PLXNA2: variants seen among roughly 807,000 people sequenced by gnomAD.
PLXNA2 encodes the protein plexin-A2.
A neutral mutation model predicts 193.5 loss-of-function variants in PLXNA2; 91 were observed. The observed-to-expected ratio is 0.47, with a 90% CI of 0.40 to 0.56. PLXNA2 has a LOEUF of 0.56. Ranked by LOEUF, PLXNA2 falls within the 20% of genes least tolerant of loss-of-function variation. The pLI is 0.00. For missense variants in PLXNA2, 1,995 were observed against 2,503.2 expected (o/e 0.80, Z 4.33); for synonymous variants, 997 against 1,027.3 (o/e 0.97, Z 0.56).
At chr1:208,137,072 C>T (rs566838796) in intron 4 of PLXNA2, among the ~76,000 whole-genome samples, 1 of 152,308 alleles carries the variant, frequency 6.6e-6, no homozygotes, top group East Asian at 1.9e-4. Context: ...CTGACTCCCA[C>T]GGGCCAGCTC....
chr1:208,136,382 T>C (rs1248523755), intron 4 of PLXNA2, among the ~76,000 whole-genome samples: 1 of 152,252 alleles, frequency 6.6e-6, no homozygotes, highest in Non-Finnish European at 1.5e-5. Flanking sequence ...AACTGGGGTC[T>C]GAATGTTCAC....
chr1:208,051,922 T>C (rs1041671067), intron 15 of PLXNA2, among the ~76,000 whole-genome samples: 2 of 152,110 alleles, frequency 1.3e-5, no homozygotes, highest in African/African-American at 4.8e-5. Context: ...TGGCAAATGG[T>C]AGGTGTTCAA....
In PLXNA2 at chr1:208,180,426, C is replaced by T. The variant is rs926457784; in HGVS notation, c.1371+29854G>A. On this transcript the variant is annotated intron_variant, in intron 3 of 31. Coordinates refer to ENST00000367033, the MANE Select transcript of PLXNA2 (RefSeq NM_025179.4). ...AAACAGGTTCATCACATAGCCTGAG[C>T]TTTGGCTGTGGCAGTGGCAGTGGCT... is the stretch of plus-strand genomic sequence containing the variant. Among the ~76,000 whole-genome samples, 5 of 152,248 alleles carry T rather than the reference C, an allele frequency of 3.3e-5. No individual in the cohort carries two copies. The South Asian group carries it at 6.2e-4, about 19-fold the overall frequency.
At chr1:208,134,318 G>A (rs1668241801) in intron 4 of PLXNA2, among the ~76,000 whole-genome samples, 1 of 152,124 alleles carries the variant, frequency 6.6e-6, no homozygotes, top group Non-Finnish European at 1.5e-5. Context: ...TGAAATGGGG[G>A]AAAGAAAGAG....
At chr1:208,221,120 T>C (rs1553299933) in intron 1 of PLXNA2, among the ~76,000 whole-genome samples, 1 of 152,212 alleles carries the variant, frequency 6.6e-6, no homozygotes, top group Non-Finnish European at 1.5e-5. Flanking sequence ...TCAGGAACCC[T>C]GGGTTCACAT....
intron 10 of PLXNA2, 149 bp downstream of exon 10, chr1:208,084,231 G>T: frequency 1.3e-6 from 1 of 758,102 alleles, no homozygotes; most frequent in Non-Finnish European, 2.1e-6. Context: ...GAGCGGCTGG[G>T]GTGCTGGCTG....
At chr1:208,216,701 G>C in intron 2 of PLXNA2, 34 bp downstream of exon 2, 1 of 1,584,500 alleles carries the variant, frequency 6.3e-7, no homozygotes, top group Non-Finnish European at 8.6e-7. Context: ...CTGTGTCATG[G>C]AGCAGGAGCA....
intron 3 of PLXNA2, among the ~76,000 whole-genome samples, chr1:208,197,269 A>T (rs929062861): frequency 2.6e-5 from 4 of 152,234 alleles, no homozygotes; most frequent in Non-Finnish European, 5.9e-5. Flanking sequence ...ATAAATTATT[A>T]TTCTAAGTGA....
At chr1:208,087,453 G>A (rs17259248) in intron 9 of PLXNA2, among the ~76,000 whole-genome samples, 2,136 of 150,916 alleles carry the variant, frequency 0.014, 29 homozygotes, top group Middle Eastern at 0.021. Context: ...ATGGTCTGCT[G>A]TTTCAGACTT....
intron 11 of PLXNA2, among the ~76,000 whole-genome samples, chr1:208,079,752 C>G (rs914205106): frequency 5.3e-5 from 8 of 151,988 alleles, no homozygotes; most frequent in African/African-American, 1.7e-4. Context: ...CCTCCTTGAA[C>G]CTCACTTACC....
In PLXNA2 at chr1:208,044,832, A is replaced by G; in HGVS notation, c.3640-90T>C. 9.1e-7 allele frequency: 1 copy of G among 1,098,316 alleles called. No homozygotes were observed. Among genetic ancestry groups the G allele is most frequent in the African/African-American group, 1.5e-5 (1 of 64,662 alleles). 68.0% of individuals were successfully genotyped at this position (1,098,316 alleles called of 1,614,324 possible). A position where few individuals can be genotyped will look rare whatever the true frequency, so the allele number is the denominator to read the frequency against. ...AGATCCTTACAGTGCGAGGAAGGAC[A>G]TGACAGACCACAACCACACAGTGCA... On this transcript the variant is annotated intron_variant, in intron 19 of 31. Coordinates refer to ENST00000367033, the MANE Select transcript of PLXNA2 (RefSeq NM_025179.4). This position sits in a 1 kb window ranked among gnomAD's most constrained non-coding sequence, Gnocchi z 4.9.
At chr1:208,116,646 T>G (rs1031038293) in intron 4 of PLXNA2, among the ~76,000 whole-genome samples, 1 of 152,242 alleles carries the variant, frequency 6.6e-6, no homozygotes, top group Non-Finnish European at 1.5e-5. Context: ...CACCACATAC[T>G]CAACTGTACC....
At chr1:208,055,791 A>G (rs1472520552) in intron 13 of PLXNA2, among the ~76,000 whole-genome samples, 2 of 152,218 alleles carry the variant, frequency 1.3e-5, no homozygotes, top group African/African-American at 4.8e-5. Flanking sequence ...GCTCACACAC[A>G]TGGCACGCCA....
intron 3 of PLXNA2, among the ~76,000 whole-genome samples, chr1:208,161,528 T>TA (rs373627506): frequency 1.4e-3 from 213 of 151,940 alleles, no homozygotes; most frequent in Middle Eastern, 6.8e-3. Flanking sequence ...CACGAGAGAG[T>TA]AGATTACTAA....
intron 3 of PLXNA2, among the ~76,000 whole-genome samples, chr1:208,163,737 GC>G (rs1158279197): frequency 6.6e-6 from 1 of 152,172 alleles, no homozygotes; most frequent in Non-Finnish European, 1.5e-5. Context: ...TACAACACTG[GC>G]CAGCCATGTA....
Position 208,039,976 on chromosome 1 carries a change from TCA to T in PLXNA2, c.4353+14_4353+15del. ...CCTGCCCTGGACGCTAGGCCCCGTC[TCA>T]CTCCCTTTCTCACCTTTAGGAACTT... On this transcript the variant is annotated intron_variant, in intron 23 of 31. Transcript: ENST00000367033. The T allele has an allele frequency of 6.2e-7, 1 of 1,613,260 alleles. No homozygotes were observed. Among genetic ancestry groups the T allele is most frequent in the Non-Finnish European group, 8.5e-7 (1 of 1,179,202 alleles).
chr1:208,192,626 C>G (rs1303907517), intron 3 of PLXNA2, among the ~76,000 whole-genome samples: 1 of 152,060 alleles, frequency 6.6e-6, no homozygotes, highest in African/African-American at 2.4e-5. Context: ...GTGGCTCATG[C>G]CTGTAATCCC....
At chr1:208,073,756 G>T (rs1006161095) in intron 12 of PLXNA2, among the ~76,000 whole-genome samples, 1 of 150,198 alleles carries the variant, frequency 6.7e-6, no homozygotes, top group African/African-American at 2.4e-5. Context: ...AATATGACAG[G>T]GTCTTTATTT....
chr1:208,030,512 A>G (rs1664468283), intron 29 of PLXNA2: 2 of 985,408 alleles, frequency 2.0e-6, no homozygotes, highest in East Asian at 2.3e-4. Context: ...TCTTAACCCC[A>G]GGGCCACCCC....
Sources: gnomAD v4.1 joint callset for allele counts (sites outside exome capture counted in the v4.1 genomes callset) on GRCh38, gnomAD v4.1.1 for gene constraint, Gnocchi (gnomAD v3.1) non-coding constraint, MANE v1.5 for transcripts, NCBI Gene and HGNC (gene_info 2026-07-23, HGNC 2026-07-21) for gene names.